Variants in ZNF397 observed in about 807,000 individuals in gnomAD.
The protein encoded by ZNF397 is zinc finger protein 397.
In ZNF397, 38 loss-of-function variants were observed where a neutral mutation model predicts 50.6. The observed-to-expected ratio is 0.75, with a 90% CI of 0.58 to 0.98. The LOEUF (loss-of-function observed/expected upper bound fraction) is 0.98. Ranked by LOEUF, ZNF397 falls within the 50% of genes least tolerant of loss-of-function variation. The probability of loss-of-function intolerance (pLI) is 0.00; values close to 1 mark genes in which losing one functional copy is unlikely to be tolerated. For missense variants in ZNF397, 624 were observed against 624.1 expected (o/e 1.00, Z 0.00); for synonymous variants, 228 against 215.2 (o/e 1.06, Z -0.52).
downstream of ZNF397, chr18:35,254,447 G>A: frequency 1.2e-6 from 2 of 1,610,802 alleles, no homozygotes; most frequent in Non-Finnish European, 1.7e-6. Context: ...TGTTGTAGCA[G>A]GAACACAAAC....
chr18:35,246,309 A>G lies in ZNF397; in HGVS notation c.1604A>G (p.Ter535=), dbSNP rs1393958604. The change falls in exon 4 of 4, where the codon TAA becomes TGA. Residue 535 remains the stop codon, a stop_retained_variant. Transcript: ENST00000330501. ...MRHQRVHTIK[*] ...CATCAAAGAGTCCACACTATAAAGT[A>G]ATTTGTGAATACTGTGAATAGTGTA... 11 of 1,528,216 alleles carry G rather than the reference A, an allele frequency of 7.2e-6. No homozygotes were observed. The highest frequency in any genetic ancestry group is 9.7e-6 in the Non-Finnish European group (11 of 1,138,240). The allele number at this position is 1,528,216 out of a possible 1,614,324, so 94.7% of individuals were successfully genotyped here.
rs2043460873 is a variant in ZNF397, at chr18:35,245,456, A to G, written c.751A>G (p.Lys251Glu). ...TTTTAGTCAAGTGATCTTCACAAACAAATCTCTAGGAAAGAGAGACCTTTA... is the reference window on the plus strand; with the variant it reads ...TTTTAGTCAAGTGATCTTCACAAACGAATCTCTAGGAAAGAGAGACCTTTA... ...GSFSQVIFTN[K>E]SLGKRDLYDE... Residue 251 changes from lysine to glutamate, a missense_variant, in exon 4 of 4, where the codon AAA (lysine) becomes GAA (glutamate). Physicochemically the swap from Lys to Glu is moderately conservative, Grantham distance 56. Coordinates refer to ENST00000330501, the MANE Select transcript of ZNF397 (RefSeq NM_001135178.3). 6.4e-7 allele frequency: 1 copy of G among 1,554,744 alleles called. No homozygotes were observed. The highest frequency in any genetic ancestry group is 8.7e-7 in the Non-Finnish European group (1 of 1,148,542).
In ZNF397 at chr18:35,246,216, C is replaced by G; in HGVS notation, c.1511C>G (p.Ser504Cys). The change falls in exon 4 of 4, where the codon TCT (serine) becomes TGT (cysteine). Residue 504 changes from serine to cysteine, a missense_variant. Physicochemically the swap from Ser to Cys is moderately radical, Grantham distance 112 (BLOSUM62 -1). Coordinates refer to ENST00000330501, the MANE Select transcript of ZNF397 (RefSeq NM_001135178.3). Reference sequence around the variant, plus strand: ...CTTGTTCAGCATCAGAGAATTCATTCTGGGGATGAAGCTTATATATGTAAT... The same window carrying G: ...CTTGTTCAGCATCAGAGAATTCATTGTGGGGATGAAGCTTATATATGTAAT... Reference protein sequence around the residue: ...SALVQHQRIHSGDEAYICNEC... With the variant: ...SALVQHQRIHCGDEAYICNEC... The G allele has an allele frequency of 6.4e-7, 1 of 1,552,116 alleles. No individual in the cohort carries two copies. The highest frequency in any genetic ancestry group is 8.7e-7 in the Non-Finnish European group (1 of 1,147,086).
chr18:35,247,094 A>G lies in ZNF397; in HGVS notation c.*784A>G. The G allele has an allele frequency of 1.0e-6, 1 of 985,552 alleles. No individual in the cohort carries two copies. The highest frequency in any genetic ancestry group is 1.2e-6 in the Non-Finnish European group (1 of 830,026). 61.1% of individuals were successfully genotyped at this position (985,552 alleles called of 1,614,324 possible). The stretch of plus-strand genomic sequence containing the variant: ...AAGTGGTACCCCAGTAAAGAACAGT[A>G]GCCAAAGGCCAGAAACAAAGTGTGG... On this transcript the variant is annotated 3_prime_UTR_variant, in exon 4 of 4. Transcript: ENST00000330501.
intron 5 of ZNF397, chr18:35,257,598 T>C (rs994804023): frequency 1.5e-5 from 5 of 332,606 alleles, no homozygotes; most frequent in Non-Finnish European, 2.8e-5. Context: ...CCTCCAGAAC[T>C]GTGAGAAGTA....
At chr18:35,250,439 T>C (rs2043558449), downstream of ZNF397, among the ~76,000 whole-genome samples, 1 of 152,220 alleles carries the variant, frequency 6.6e-6, no homozygotes, top group Admixed American at 6.5e-5. Flanking sequence ...CTGTCCTGTT[T>C]CTCTTGGTAT....
Position 35,246,743 on chromosome 18 carries a change from T to C in ZNF397, c.*433T>C. The stretch of plus-strand genomic sequence containing the variant: ...AAAAAACTGACCCAATAAAGAACAG[T>C]GACAGAGCAGCAGGAAAGGTGGGGA... On this transcript the variant is annotated 3_prime_UTR_variant, in exon 4 of 4. Transcript: ENST00000330501. The C allele has an allele frequency of 2.0e-6, 2 of 986,104 alleles. No individual in the cohort carries two copies. Among genetic ancestry groups the C allele is most frequent in the Non-Finnish European group, 2.4e-6 (2 of 832,050 alleles). 61.1% of individuals were successfully genotyped at this position (986,104 alleles called of 1,614,324 possible). A position where few individuals can be genotyped will look rare whatever the true frequency, so the allele number is the denominator to read the frequency against.
chr18:35,257,981 T>C (rs374738187), exon 6 of ZNF397: 6 of 780,890 alleles, frequency 7.7e-6, no homozygotes, highest in Non-Finnish European at 1.4e-5. Flanking sequence ...AATCTCCATC[T>C]CAGGCGCTAC....
chr18:35,255,543 T>C (rs1164391094), intron 5 of ZNF397, among the ~76,000 whole-genome samples: 3 of 152,086 alleles, frequency 2.0e-5, no homozygotes, highest in Non-Finnish European at 4.4e-5. Flanking sequence ...GCCTTCCATA[T>C]TGGAAGGATG....
At chr18:35,243,098 G>A in intron 2 of ZNF397, 54 bp from the exon 3 acceptor site, 1 of 1,609,678 alleles carries the variant, frequency 6.2e-7, no homozygotes, top group African/African-American at 1.3e-5. Context: ...TTTTTACTAA[G>A]CAAGTTTTCT....
At chr18:35,243,464 A>C in intron 3 of ZNF397, 171 bp downstream of exon 3, 1 of 823,852 alleles carries the variant, frequency 1.2e-6, no homozygotes, top group Non-Finnish European at 2.0e-6. Context: ...AATTGCTGTC[A>C]GCCCTCCTGT....
At chr18:35,243,334 G>A in intron 3 of ZNF397, 41 bp downstream of exon 3, 2 of 1,614,034 alleles carry the variant, frequency 1.2e-6, no homozygotes, top group Non-Finnish European at 1.7e-6. Context: ...TGACACTTAG[G>A]CCTCTGTTTT....
At chr18:35,250,523 T>C (rs1030072883), downstream of ZNF397, among the ~76,000 whole-genome samples, 3 of 151,936 alleles carry the variant, frequency 2.0e-5, no homozygotes, top group African/African-American at 7.2e-5. Context: ...ATGTGCAATT[T>C]AGTGTACTTA....
intron 3 of ZNF397, among the ~76,000 whole-genome samples, chr18:35,244,328 CTGA>C (rs1912765495): frequency 6.6e-6 from 1 of 152,144 alleles, no homozygotes; most frequent in Non-Finnish European, 1.5e-5. Flanking sequence ...ACAGATACAT[CTGA>C]TGATGTGTTT....
At position 35,246,784 on chromosome 18, in the gene ZNF397, G is replaced by C; in HGVS notation, c.*474G>C. Reference sequence around the variant, plus strand: ...AAGGTGGGGAAATGGCTTCATCAATGATTTGTTGAGCCCAGGGCAGGCCAG... The same window carrying C: ...AAGGTGGGGAAATGGCTTCATCAATCATTTGTTGAGCCCAGGGCAGGCCAG... On this transcript the variant is annotated 3_prime_UTR_variant, in exon 4 of 4. Transcript: ENST00000330501. 1.0e-6 allele frequency: 1 copy of C among 986,962 alleles called. No individual in the cohort carries two copies. The highest frequency in any genetic ancestry group is 1.2e-6 in the Non-Finnish European group (1 of 831,330). The allele number at this position is 986,962 out of a possible 1,614,324, so 61.1% of individuals were successfully genotyped here.
At chr18:35,252,952 T>C (rs980776585), downstream of ZNF397, 2 of 153,692 alleles carry the variant, frequency 1.3e-5, no homozygotes, top group African/African-American at 4.8e-5. Context: ...CTGCCTCAGA[T>C]ATTATTAAAC....
rs534231689 is a variant in ZNF397, at chr18:35,245,439, A to G, written c.734A>G (p.Gln245Arg). 9 of 1,560,088 alleles carry G rather than the reference A, an allele frequency of 5.8e-6. No homozygotes were observed. The African/African-American group carries it at 1.1e-4, about 19-fold the overall frequency. Residue 245 changes from glutamine (Q) to arginine (R), a missense_variant, in exon 4 of 4, where the codon CAA becomes CGA. By Grantham distance (43) the Gln-to-Arg change is conservative. Transcript: ENST00000330501. ...CCTTCCCAAGGGGGCAGTTTTAGTC[A>G]AGTGATCTTCACAAACAAATCTCTA... Reference protein sequence around the residue: ...RSPSQGGSFSQVIFTNKSLGK... With the variant: ...RSPSQGGSFSRVIFTNKSLGK...
At chr18:35,254,107 A>T, downstream of ZNF397, 1 of 1,614,098 alleles carries the variant, frequency 6.2e-7, no homozygotes, top group South Asian at 1.1e-5. Flanking sequence ...CTTCACTCTC[A>T]TGAGATTCAA....
chr18:35,245,389 T>G lies in ZNF397; in HGVS notation c.684T>G (p.Ser228Arg), dbSNP rs931587995. The G allele has an allele frequency of 2.5e-6, 4 of 1,600,714 alleles. No homozygotes were observed. Among genetic ancestry groups the G allele is most frequent in the Non-Finnish European group, 8.5e-7 (1 of 1,173,072 alleles). Residue 228 changes from serine (S) to arginine (R), a missense_variant, in exon 4 of 4, where the codon AGT becomes AGG. Ser to Arg is a moderately radical substitution (Grantham distance 110). Coordinates refer to ENST00000330501, the MANE Select transcript of ZNF397 (RefSeq NM_001135178.3). ...HESNLVWKQG[S>R]ATGEKLRSPS... ...GCAATTTAGTGTGGAAGCAAGGAAG[T>G]GCTACAGGGGAGAAACTAAGATCTC...
Sources: gnomAD v4.1 joint callset for allele counts (sites outside exome capture counted in the v4.1 genomes callset) on GRCh38, gnomAD v4.1.1 for gene constraint, MANE v1.5 for transcripts, NCBI Gene and HGNC (gene_info 2026-07-23, HGNC 2026-07-21) for gene names.